The following UAP1 variants were observed in gnomAD, a reference collection of about 807,000 sequenced individuals.
UAP1 encodes the protein UDP-N-acetylglucosamine pyrophosphorylase 1.
Under a neutral mutation model 58.5 loss-of-function variants are expected in UAP1, and 25 were observed. The observed-to-expected ratio is 0.43, with a 90% confidence interval of 0.31 to 0.60. The LOEUF is 0.60. Among genes scored for constraint, UAP1 ranks in the 20% least tolerant of loss-of-function variants. The pLI is 0.11. For synonymous variants in UAP1, 208 were observed against 213.0 expected, an observed-to-expected ratio of 0.98 and a Z score of 0.21; for missense variants, 575 against 630.0, an observed-to-expected ratio of 0.91 and a Z score of 0.93.
chr1:162,576,991 G>A lies in UAP1; in HGVS notation c.485+10G>A, dbSNP rs765183918. On this transcript the variant is annotated intron_variant, in intron 3 of 10. Transcript: ENST00000271469. ...AATGCATTATTCCATGGTAAGATAC[G>A]TCTCATTATTGGAGTGTGTCTGAAC... 45 of 1,611,706 alleles carry A rather than the reference G, an allele frequency of 2.8e-5. No individual in the cohort carries two copies. The highest frequency in any genetic ancestry group is 1.7e-4 in the Middle Eastern group (1 of 6,046).
rs768804773 is a variant in UAP1, at chr1:162,597,868, C to T, written c.1476+10C>T. On this transcript the variant is annotated intron_variant, in intron 10 of 10. Transcript: ENST00000271469. ...CTCCTATGCTGGAGAAGTAAGTCTGCTTTACTTTTTCCTCTATTCTTTTAC... is the reference window on the plus strand; with the variant it reads ...CTCCTATGCTGGAGAAGTAAGTCTGTTTTACTTTTTCCTCTATTCTTTTAC... 1.2e-6 allele frequency: 2 copies of T among 1,606,674 alleles called. No individual in the cohort carries two copies. Among genetic ancestry groups the T allele is most frequent in the South Asian group, 2.2e-5 (2 of 89,880 alleles).
At chr1:162,572,173 G>A (rs1198033162) in intron 2 of UAP1, among the ~76,000 whole-genome samples, 1 of 152,204 alleles carries the variant, frequency 6.6e-6, no homozygotes, top group Non-Finnish European at 1.5e-5. Context: ...CTGGTTATCA[G>A]GTTCGGAGAT....
intron 2 of UAP1, among the ~76,000 whole-genome samples, chr1:162,572,679 A>G (rs1448244698): frequency 6.6e-6 from 1 of 152,216 alleles, no homozygotes; most frequent in African/African-American, 2.4e-5. Context: ...ATGTTCAGAA[A>G]TATTTTTTAT....
At chr1:162,594,107 T>TA (rs201967869) in intron 9 of UAP1, among the ~76,000 whole-genome samples, 1,698 of 152,336 alleles carry the variant, frequency 0.011, 14 homozygotes, top group Admixed American at 0.017. Context: ...TCAAGCATGT[T>TA]ACATTTATAG....
exon 7 of UAP1, chr1:162,588,802 A>G (rs2101816393): frequency 6.2e-7 from 1 of 1,612,290 alleles, no homozygotes; most frequent in South Asian, 1.1e-5. Context: ...AAAGATGGAA[A>G]AATTTGTCTT....
At chr1:162,575,735 C>A (rs982792202) in intron 2 of UAP1, among the ~76,000 whole-genome samples, 2 of 151,024 alleles carry the variant, frequency 1.3e-5, no homozygotes, top group Non-Finnish European at 2.9e-5. Flanking sequence ...GAGTCTCGCT[C>A]TGTCACCCAG....
At chr1:162,570,374 A>G (rs1264878437) in intron 2 of UAP1, among the ~76,000 whole-genome samples, 2 of 152,158 alleles carry the variant, frequency 1.3e-5, no homozygotes, top group African/African-American at 4.8e-5. Context: ...TGAAACAAAT[A>G]TTTAGTGGCA....
intron 5 of UAP1, among the ~76,000 whole-genome samples, chr1:162,582,047 G>T (rs1654623040): frequency 6.6e-6 from 1 of 152,140 alleles, no homozygotes; most frequent in Non-Finnish European, 1.5e-5. Flanking sequence ...AGTTGTATAG[G>T]TGATGGCATG....
chr1:162,574,862 G>A (rs1396721107), intron 2 of UAP1, among the ~76,000 whole-genome samples: 1 of 151,644 alleles, frequency 6.6e-6, no homozygotes, highest in East Asian at 1.9e-4. Flanking sequence ...ATTTGCATTT[G>A]GATCTCAAAT....
At chr1:162,596,258 C>T (rs1655612984) in intron 9 of UAP1, among the ~76,000 whole-genome samples, 2 of 152,014 alleles carry the variant, frequency 1.3e-5, no homozygotes, top group Admixed American at 1.3e-4. Flanking sequence ...TCACTGCAAC[C>T]TCTGCCTCTT....
At chr1:162,583,793 A>G (rs1462766484) in intron 5 of UAP1, among the ~76,000 whole-genome samples, 2 of 151,950 alleles carry the variant, frequency 1.3e-5, no homozygotes, top group Non-Finnish European at 2.9e-5. Context: ...ACACCTGGTT[A>G]ATTTTTCTGG....
exon 11 of UAP1, chr1:162,599,649 C>T (rs1437050692): frequency 8.1e-6 from 2 of 247,304 alleles, no homozygotes; most frequent in East Asian, 1.6e-4. Context: ...GAAATATAGG[C>T]AGGATGTTCA....
chr1:162,579,334 C>T, intron 3 of UAP1, 94 bp from the exon 4 acceptor site: 1 of 951,226 alleles, frequency 1.1e-6, no homozygotes, highest in African/African-American at 1.7e-5. Context: ...CAAGTGCTTT[C>T]AAAGATATCT....
At chr1:162,572,833 A>G (rs1416643500) in intron 2 of UAP1, among the ~76,000 whole-genome samples, 4 of 152,174 alleles carry the variant, frequency 2.6e-5, no homozygotes, top group South Asian at 2.1e-4. Context: ...GTGCTGTTTC[A>G]TATCTGCTGG....
chr1:162,599,280 A>C, exon 11 of UAP1: 2 of 1,610,954 alleles, frequency 1.2e-6, no homozygotes, highest in Non-Finnish European at 1.7e-6. Flanking sequence ...GGGATTAGAA[A>C]GTTATGTGGC....
At chr1:162,587,600 A>G (rs765399117) in exon 6 of UAP1, 1 of 1,614,138 alleles carries the variant, frequency 6.2e-7, no homozygotes, top group Non-Finnish European at 8.5e-7. Context: ...CAGACGGACG[A>G]CTGCTGTTCA....
intron 2 of UAP1, among the ~76,000 whole-genome samples, chr1:162,567,825 C>T (rs1018193793): frequency 2.6e-5 from 4 of 152,082 alleles, no homozygotes; most frequent in Admixed American, 6.6e-5. Flanking sequence ...TTGAGACAGC[C>T]TCGCTTTGTT....
chr1:162,590,052 A>G (rs1655202996), intron 7 of UAP1, among the ~76,000 whole-genome samples: 1 of 150,400 alleles, frequency 6.6e-6, no homozygotes, highest in Non-Finnish European at 1.5e-5. Flanking sequence ...TTTCCAGAAC[A>G]GATACTAATG....
At chr1:162,565,184 A>G (rs1653412765) in intron 1 of UAP1, among the ~76,000 whole-genome samples, 2 of 152,152 alleles carry the variant, frequency 1.3e-5, no homozygotes, top group African/African-American at 4.8e-5. Context: ...CCCTTAACAC[A>G]TGGCTAGATT....
Sources: gnomAD v4.1 joint callset for allele counts (sites outside exome capture counted in the v4.1 genomes callset) on GRCh38, gnomAD v4.1.1 for gene constraint, MANE v1.5 for transcripts, NCBI Gene and HGNC (gene_info 2026-07-23, HGNC 2026-07-21) for gene names.